The following CACNA1S variants were observed in gnomAD, a reference collection of about 807,000 sequenced individuals.
CACNA1S encodes voltage-dependent L-type calcium channel subunit alpha-1S.
Under a neutral mutation model 207.4 loss-of-function variants are expected in CACNA1S, and 126 were observed. The observed-to-expected ratio is 0.61, with a 90% CI of 0.53 to 0.70. The LOEUF (loss-of-function observed/expected upper bound fraction) is 0.70, where lower values mean the gene tolerates loss of function less well. CACNA1S is among the 30% of genes least tolerant of loss of function. CACNA1S has a pLI of 0.00. For synonymous variants in CACNA1S, 960 were observed against 932.7 expected, an observed-to-expected ratio of 1.03 and a Z score of -0.53; for missense variants, 2,349 against 2,422.8, an observed-to-expected ratio of 0.97 and a Z score of 0.64.
rs768205078 is a variant in CACNA1S at position 201,054,491 on chromosome 1, C to A, written c.3666+14G>T. 3.4e-5 allele frequency: 55 copies of A among 1,612,094 alleles called. 1 individual carries two copies. The Middle Eastern group carries it at 1.2e-3, about 35-fold the overall frequency. On this transcript the variant is annotated intron_variant, in intron 29 of 43. Transcript: ENST00000362061. ...GGTGAGCGTGCCAGGCAGGCTCGTG[C>A]AGCCTGAAATTACAACGTTCCCGCA...
At chr1:201,094,561 C>T (rs1662350381) in intron 2 of CACNA1S, among the ~76,000 whole-genome samples, 1 of 152,094 alleles carries the variant, frequency 6.6e-6, no homozygotes, top group Non-Finnish European at 1.5e-5. Flanking sequence ...TATTCTCTCA[C>T]CATGCAGGGG....
Position 201,106,673 on chromosome 1 carries a change from A to G in CACNA1S, c.258+3491T>C, listed in dbSNP as rs559528845. ...TTGTGCAGGGCAAGTGCAGATTGCC[A>G]CAAGCGCCTCCTCCTAATCTTCCCC... On this transcript the variant is annotated intron_variant, in intron 2 of 43. Coordinates refer to ENST00000362061, the MANE Select transcript of CACNA1S (RefSeq NM_000069.3). Among the ~76,000 whole-genome samples the G allele has an allele frequency of 9.9e-5, 15 of 152,126 alleles. 1 individual carries two copies. Among genetic ancestry groups the G allele is most frequent in the African/African-American group, 2.4e-4 (10 of 41,508 alleles).
intron 7 of CACNA1S, among the ~76,000 whole-genome samples, 185 bp downstream of exon 7, chr1:201,087,641 A>AGCC (rs1662079590): frequency 6.6e-6 from 1 of 152,052 alleles, no homozygotes; most frequent in South Asian, 2.1e-4. Flanking sequence ...CCCAGGGATG[A>AGCC]GCCGAGGGCC....
chr1:201,040,017 C>T lies in CACNA1S; in HGVS notation c.5436G>A (p.Gln1812=). 6.2e-7 allele frequency: 1 copy of T among 1,614,122 alleles called. No individual in the cohort carries two copies. Among genetic ancestry groups the T allele is most frequent in the Non-Finnish European group, 8.5e-7 (1 of 1,179,928 alleles). The part of the protein sequence containing the change: ...ADANFIMATG[Q]ALADACQMEP... The stretch of plus-strand genomic sequence containing the variant: ...CCATTTGGCAGGCATCTGCCAGGGC[C>T]TGGCCTGTTGCCATGATGAAGTTTG... The change falls in exon 44 of 44, where the codon CAG becomes CAA. Residue 1812 remains glutamine (Q), a synonymous_variant. Transcript: ENST00000362061.
Position 201,060,756 on chromosome 1 carries a change from G to T in CACNA1S, c.3316C>A (p.Pro1106Thr), listed in dbSNP as rs267598292. Residue 1106 changes from proline (P) to threonine (T), a missense_variant, in exon 26 of 44, where the codon CCA becomes ACA. Pro to Thr is a conservative substitution (Grantham distance 38, BLOSUM62 -1). Transcript: ENST00000362061. ...ATGTACCACACCTGGTACTGGTATGGGTTTTTGGGAATGTAGCACCTCAGT... is the reference window on the plus strand; with the variant it reads ...ATGTACCACACCTGGTACTGGTATGTGTTTTTGGGAATGTAGCACCTCAGT... ...RPLRCYIPKN[P>T]YQYQVWYIVT... 2 of 1,614,032 alleles carry T rather than the reference G, an allele frequency of 1.2e-6. No homozygotes were observed. Among genetic ancestry groups the T allele is most frequent in the African/African-American group, 2.7e-5 (2 of 74,906 alleles).
intron 3 of CACNA1S, among the ~76,000 whole-genome samples, chr1:201,092,497 T>C (rs1176206182): frequency 6.6e-6 from 1 of 152,168 alleles, no homozygotes; most frequent in Non-Finnish European, 1.5e-5. Context: ...CCACAGCAAG[T>C]TCTCCCTCTG....
rs934201053 is a variant in CACNA1S at position 201,066,562 on chromosome 1, G to A, written c.2658-246C>T. Among the ~76,000 whole-genome samples the A allele has an allele frequency of 6.6e-6, 1 of 152,188 alleles. No individual in the cohort carries two copies. Among genetic ancestry groups the A allele is most frequent in the East Asian group, 1.9e-4 (1 of 5,186 alleles). ...AGCAGAAGACAGCCTTCCCCTGTGGGTGGCTAGAAGCTCCGTCCCTCCCGT... is the reference window on the plus strand; with the variant it reads ...AGCAGAAGACAGCCTTCCCCTGTGGATGGCTAGAAGCTCCGTCCCTCCCGT... On this transcript the variant is annotated intron_variant, in intron 20 of 43. Transcript: ENST00000362061. This position sits in a 1 kb window ranked among gnomAD's most constrained non-coding sequence, Gnocchi z 4.3.
chr1:201,084,871 G>A (rs1359789810), intron 9 of CACNA1S, 79 bp downstream of exon 9: 21 of 992,364 alleles, frequency 2.1e-5, no homozygotes, highest in Non-Finnish European at 3.4e-5. Context: ...AAACCACTGA[G>A]GGGAAGTAAC....
In CACNA1S at chr1:201,050,485, T is replaced by C. The variant is rs1007920084; in HGVS notation, c.4145A>G (p.Asp1382Gly). 2.2e-5 allele frequency: 35 copies of C among 1,613,830 alleles called. No individual in the cohort carries two copies. The highest frequency in any genetic ancestry group is 3.0e-5 in the Non-Finnish European group (35 of 1,179,994). Residue 1382 changes from aspartate to glycine, a missense_variant, in exon 34 of 44, where the codon GAC becomes GGC. Physicochemically the swap from Asp to Gly is moderately conservative, Grantham distance 94. Transcript: ENST00000362061. Reference sequence around the variant, plus strand: ...GTCCCGGGTGAGGTAGTCAAAATTGTCCATGATGACAGCCACAAAGAGGTT... The same window carrying C: ...GTCCCGGGTGAGGTAGTCAAAATTGCCCATGATGACAGCCACAAAGAGGTT... ...VINLFVAVIM[D>G]NFDYLTRDWS...
Position 201,053,665 on chromosome 1 carries a change from C to A in CACNA1S, c.3667-78G>T. The A allele has an allele frequency of 1.4e-6, 2 of 1,459,994 alleles. No homozygotes were observed. Among genetic ancestry groups the A allele is most frequent in the South Asian group, 2.3e-5 (2 of 85,662 alleles). 90.4% of individuals were successfully genotyped at this position (1,459,994 alleles called of 1,614,324 possible). A position where few individuals can be genotyped will look rare whatever the true frequency, so the allele number is the denominator to read the frequency against. On this transcript the variant is annotated intron_variant, in intron 29 of 43. Coordinates refer to ENST00000362061, the MANE Select transcript of CACNA1S (RefSeq NM_000069.3). This position sits in a 1 kb window ranked among gnomAD's most constrained non-coding sequence, Gnocchi z 5.1. ...AAGGGGCAGGGCGGGGAGGGAGGTG[C>A]ACTGTGTGTTTTGGGGAGATGTTTG...
intron 2 of CACNA1S, among the ~76,000 whole-genome samples, chr1:201,100,334 T>C (rs1394811617): frequency 6.6e-6 from 1 of 152,242 alleles, no homozygotes; most frequent in Non-Finnish European, 1.5e-5. Flanking sequence ...ACAGCGTTTC[T>C]GGTAGGCCGG....
Position 201,059,385 on chromosome 1 carries a change from C to G in CACNA1S, c.3415-86G>C, listed in dbSNP as rs1338478758. 3.7e-6 allele frequency: 3 copies of G among 807,678 alleles called. No individual in the cohort carries two copies. The African/African-American group carries it at 5.1e-5, about 14-fold the overall frequency. 50.0% of individuals were successfully genotyped at this position (807,678 alleles called of 1,614,324 possible). On this transcript the variant is annotated intron_variant, in intron 26 of 43. Transcript: ENST00000362061. Reference sequence around the variant, plus strand: ...GCATTCCCAGAGCCCCTGCCTCTTCCTGGGAAGCCCCCAACCCTTTCTTGG... The same window carrying G: ...GCATTCCCAGAGCCCCTGCCTCTTCGTGGGAAGCCCCCAACCCTTTCTTGG...
intron 18 of CACNA1S, 115 bp from the exon 19 acceptor site, chr1:201,069,311 C>T (rs1661365840): frequency 4.2e-6 from 6 of 1,414,736 alleles, no homozygotes; most frequent in South Asian, 1.2e-5. Context: ...CAGCCTGTGC[C>T]GTTCAGAAGG....
At position 201,075,614 on chromosome 1, in the gene CACNA1S, A is replaced by T; in HGVS notation, c.1829T>A (p.Val610Glu). Residue 610 changes from valine (V) to glutamate (E), a missense_variant and splice_region_variant, in exon 13 of 44, where the codon GTA becomes GAA. Transcript: ENST00000362061. ...TGAGGTCCAGTCTTCCCCTGTCAGT[A>T]CCTGTATGGAGGGAGGATAGAGGGC... ...FPQALISVFQ[V>E]LTGEDWTSMM... 6.2e-7 allele frequency: 1 copy of T among 1,614,086 alleles called. No homozygotes were observed.
chr1:201,057,284 C>A (rs1660881239), intron 28 of CACNA1S, among the ~76,000 whole-genome samples: 1 of 152,364 alleles, frequency 6.6e-6, no homozygotes, highest in South Asian at 2.1e-4. Context: ...TGCTGCAGGG[C>A]CTTTGCACTG....
chr1:201,109,377 G>A (rs1465700536), intron 2 of CACNA1S, among the ~76,000 whole-genome samples: 2 of 152,056 alleles, frequency 1.3e-5, no homozygotes, highest in African/African-American at 4.8e-5. Context: ...CTTTTAAATG[G>A]GTCTAATAAT....
chr1:201,092,386 T>C lies in CACNA1S; in HGVS notation c.399-272A>G, dbSNP rs143180304. 5.3e-5 allele frequency among the ~76,000 whole-genome samples: 8 copies of C among 152,180 alleles called. No homozygotes were observed. The East Asian group carries it at 1.5e-3, about 29-fold the overall frequency. On this transcript the variant is annotated intron_variant, in intron 3 of 43. Coordinates refer to ENST00000362061, the MANE Select transcript of CACNA1S (RefSeq NM_000069.3). ...CTTTGGGTGCTGAACGGGGGTGAGG[T>C]ATGTGTGCCACAGGGACAGTCCCTG...
Position 201,050,996 on chromosome 1 carries a change from G to A in CACNA1S, c.4101C>T (p.Leu1367=). The change falls in exon 33 of 44, where the codon CTC becomes CTT. Residue 1367 remains leucine (L), a synonymous_variant. Coordinates refer to ENST00000362061, the MANE Select transcript of CACNA1S (RefSeq NM_000069.3). ...CTCAGCATCTCACCAGGAAGGCACA[G>A]AGCATGTAGAAGCTGATGAAGTAGT... is the stretch of plus-strand genomic sequence containing the variant. The part of the protein sequence containing the change: ...AYYYFISFYM[L]CAFLVINLFV... 1 of 1,614,238 alleles carries A rather than the reference G, an allele frequency of 6.2e-7. No individual in the cohort carries two copies. The highest frequency in any genetic ancestry group is 8.5e-7 in the Non-Finnish European group (1 of 1,180,040).
Position 201,089,415 on chromosome 1 carries a change from G to C in CACNA1S, c.743C>G (p.Thr248Arg). 6.2e-7 allele frequency: 1 copy of C among 1,614,174 alleles called. No homozygotes were observed. The highest frequency in any genetic ancestry group is 8.5e-7 in the Non-Finnish European group (1 of 1,180,034). ...GATGGTGCACCGGCGCCCTGAGCCC[G>C]TCCTGGCGCAGGGCGATGGCTCTTC... is the stretch of plus-strand genomic sequence containing the variant. ...ENEEPSPCAR[T>R]GSGRRCTING... The change falls in exon 6 of 44, where the codon ACG becomes AGG. Residue 248 changes from threonine (T) to arginine (R), a missense_variant. Physicochemically the swap from Thr to Arg is moderately conservative, Grantham distance 71. Transcript: ENST00000362061.
Sources: gnomAD v4.1 joint callset for allele counts (sites outside exome capture counted in the v4.1 genomes callset) on GRCh38, gnomAD v4.1.1 for gene constraint, Gnocchi (gnomAD v3.1) non-coding constraint, MANE v1.5 for transcripts, NCBI Gene and HGNC (gene_info 2026-07-23, HGNC 2026-07-21) for gene names.